ZNF765: variants seen among roughly 807,000 people sequenced by gnomAD.
ZNF765 encodes zinc finger protein 765.
A neutral mutation model predicts 44.7 loss-of-function variants in ZNF765; 37 were observed. The observed-to-expected ratio is 0.83, with a 90% confidence interval of 0.64 to 1.09. The LOEUF is 1.09. Among genes scored for constraint, ZNF765 ranks in the 50% least tolerant of loss-of-function variants. ZNF765 has a pLI of 0.00. For synonymous variants in ZNF765, 201 were observed against 213.7 expected, an observed-to-expected ratio of 0.94 and a Z score of 0.52; for missense variants, 594 against 626.1, an observed-to-expected ratio of 0.95 and a Z score of 0.55.
downstream of ZNF765, among the ~76,000 whole-genome samples, chr19:53,414,240 C>CAAAAAAAAAAAAA (rs754534125): frequency 3.6e-4 from 28 of 77,988 alleles, 5 homozygotes; most frequent in African/African-American, 1.5e-3. Flanking sequence ...GACTCCATCT[C>CAAAAAAAAAAAAA]AAAAAAAAAA....
At chr19:53,427,038 T>G (rs1381419588) in exon 4 of ZNF765, 2 of 137,460 alleles carry the variant, frequency 1.5e-5, no homozygotes, top group Admixed American at 7.1e-5. Context: ...GGTGTCAGGA[T>G]CTCTAAAACC....
At chr19:53,414,507 C>G (rs1406490724), downstream of ZNF765, among the ~76,000 whole-genome samples, 1 of 57,394 alleles carries the variant, frequency 1.7e-5, no homozygotes, top group Admixed American at 1.5e-4. Context: ...CCCCCCCCCC[C>G]CCGGGGAAAA....
intron 3 of ZNF765, among the ~76,000 whole-genome samples, chr19:53,406,347 C>T (rs1348869523): frequency 6.6e-6 from 1 of 151,766 alleles, no homozygotes; most frequent in East Asian, 1.9e-4. Flanking sequence ...ATTCTTATTC[C>T]TTATAATGCT....
At chr19:53,420,422 A>T (rs2147107621) in intron 3 of ZNF765, among the ~76,000 whole-genome samples, 1 of 152,330 alleles carries the variant, frequency 6.6e-6, no homozygotes, top group South Asian at 2.1e-4. Context: ...TTACAGATTT[A>T]ATTTTTTATA....
rs769332305 is a variant in ZNF765 at position 53,408,953 on chromosome 19, CAA to C, written c.1399_1400del (p.Lys467ValfsTer2). ...QKIHTEENPY[K>X]CNECGKTFSR... ...AAATTCATACTGAAGAGAATCCTTA[CAA>C]GTGTAATGAGTGTGGCAAGACCTTC... On this transcript the variant is annotated frameshift_variant, in exon 4 of 4. Coordinates refer to ENST00000396408, the MANE Select transcript of ZNF765 (RefSeq NM_001040185.3). LOFTEE classifies it high-confidence loss of function. 2.5e-6 allele frequency: 4 copies of C among 1,604,142 alleles called. No homozygotes were observed. The East Asian group carries it at 9.0e-5, about 36-fold the overall frequency.
At chr19:53,425,314 TAC>T (rs2085932583) in exon 4 of ZNF765, 2 of 29,738 alleles carry the variant, frequency 6.7e-5, no homozygotes, top group African/African-American at 5.5e-4. Flanking sequence ...CTGAAAGTCC[TAC>T]TTTTTTTTTT....
At chr19:53,422,299 TC>T (rs2085911995) in intron 3 of ZNF765, among the ~76,000 whole-genome samples, 1 of 152,194 alleles carries the variant, frequency 6.6e-6, no homozygotes, top group African/African-American at 2.4e-5. Flanking sequence ...ACAAGATCAG[TC>T]CCCATTCTAC....
Position 53,409,766 on chromosome 19 carries a change from A to G in ZNF765, c.*639A>G. ...CCTTACATGCCATCATAGACTTCATACTGGAGAGATACCTTAAAAGTGTAG... is the reference window on the plus strand; with the variant it reads ...CCTTACATGCCATCATAGACTTCATGCTGGAGAGATACCTTAAAAGTGTAG... On this transcript the variant is annotated 3_prime_UTR_variant, in exon 4 of 4. Coordinates refer to ENST00000396408, the MANE Select transcript of ZNF765 (RefSeq NM_001040185.3). 1.2e-6 allele frequency: 1 copy of G among 838,480 alleles called. No homozygotes were observed. Among genetic ancestry groups the G allele is most frequent in the Non-Finnish European group, 2.0e-6 (1 of 489,888 alleles). The allele number at this position is 838,480 out of a possible 1,614,324, so 51.9% of individuals were successfully genotyped here.
At chr19:53,427,253 T>C (rs1194273292) in exon 4 of ZNF765, 1 of 142,898 alleles carries the variant, frequency 7.0e-6, no homozygotes, top group Non-Finnish European at 1.5e-5. Flanking sequence ...CATTTTGATT[T>C]TTAAAATTAA....
intron 2 of ZNF765, among the ~76,000 whole-genome samples, chr19:53,400,169 C>A (rs893712428): frequency 2.0e-5 from 3 of 152,100 alleles, no homozygotes; most frequent in South Asian, 2.1e-4. Flanking sequence ...CTCAAGTAGA[C>A]GCCAGTGTCT....
intron 1 of ZNF765, among the ~76,000 whole-genome samples, chr19:53,395,530 C>T (rs1312861794): frequency 6.6e-6 from 1 of 152,274 alleles, no homozygotes; most frequent in Admixed American, 6.5e-5. Flanking sequence ...GCCTCCCAGT[C>T]TCGCCCTCGT....
rs568669554 is a variant in ZNF765 at position 53,410,570 on chromosome 19, A to G, written c.*1443A>G. On this transcript the variant is annotated 3_prime_UTR_variant, in exon 4 of 4. Transcript: ENST00000396408. ...ACACTTGTTTACCATCAGGCAATCCATGGTGTAGGGAAACTTTACTTATGT... is the reference window on the plus strand; with the variant it reads ...ACACTTGTTTACCATCAGGCAATCCGTGGTGTAGGGAAACTTTACTTATGT... 43 of 434,402 alleles carry G rather than the reference A, an allele frequency of 9.9e-5. No homozygotes were observed. Among genetic ancestry groups the G allele is most frequent in the African/African-American group, 6.5e-4 (32 of 49,048 alleles). The allele number at this position is 434,402 out of a possible 1,614,324, so 26.9% of individuals were successfully genotyped here. A position where few individuals can be genotyped will look rare whatever the true frequency, so the allele number is the denominator to read the frequency against.
intron 2 of ZNF765, among the ~76,000 whole-genome samples, chr19:53,400,489 C>T (rs542026901): frequency 6.6e-6 from 1 of 152,078 alleles, no homozygotes; most frequent in East Asian, 2.0e-4. Flanking sequence ...AGATTCCCCC[C>T]TGTCCCCAAC....
At chr19:53,416,712 A>T (rs1386231407), downstream of ZNF765, among the ~76,000 whole-genome samples, 3 of 151,534 alleles carry the variant, frequency 2.0e-5, no homozygotes, top group Admixed American at 2.0e-4. Flanking sequence ...CTATACATCA[A>T]TATAATTATA....
intron 3 of ZNF765, among the ~76,000 whole-genome samples, chr19:53,417,436 A>G (rs1412711833): frequency 6.6e-6 from 1 of 152,118 alleles, no homozygotes; most frequent in African/African-American, 2.4e-5. Flanking sequence ...AGCTCCATCC[A>G]TGTCCCTGCA....
At chr19:53,414,489 ACCCCCC>A (rs1160212994), downstream of ZNF765, among the ~76,000 whole-genome samples, 1 of 5,096 alleles carries the variant, frequency 2.0e-4, no homozygotes, top group Non-Finnish European at 3.2e-4. Flanking sequence ...ACACACACAC[ACCCCCC>A]CCCCCCCCCC....
exon 4 of ZNF765, chr19:53,426,054 T>G (rs1049465907): frequency 6.6e-6 from 1 of 152,324 alleles, no homozygotes; most frequent in Non-Finnish European, 1.5e-5. Context: ...TGGGCCTCTC[T>G]CCGTCGTGGG....
At chr19:53,403,791 G>A (rs1482814424) in intron 3 of ZNF765, among the ~76,000 whole-genome samples, 19 of 151,270 alleles carry the variant, frequency 1.3e-4, no homozygotes, top group South Asian at 4.2e-4. Context: ...GAAGTGAGCC[G>A]AGATTGTGCC....
At chr19:53,401,519 C>T (rs931127355) in intron 2 of ZNF765, among the ~76,000 whole-genome samples, 14 of 150,352 alleles carry the variant, frequency 9.3e-5, no homozygotes, top group Admixed American at 4.7e-4. Flanking sequence ...GCCGAGATCG[C>T]GCCACTGTAC....
Sources: gnomAD v4.1 joint callset for allele counts (sites outside exome capture counted in the v4.1 genomes callset) on GRCh38, gnomAD v4.1.1 for gene constraint, MANE v1.5 for transcripts, NCBI Gene and HGNC (gene_info 2026-07-23, HGNC 2026-07-21) for gene names.